SPIDR: variants seen among roughly 807,000 people sequenced by gnomAD.
SPIDR encodes scaffold protein involved in DNA repair, also known as DNA repair-scaffolding protein.
A neutral mutation model predicts 104.6 loss-of-function variants in SPIDR; 93 were observed. That is an observed-to-expected ratio of 0.89 (90% CI 0.75 to 1.06). The LOEUF (loss-of-function observed/expected upper bound fraction) is 1.06. Among genes scored for constraint, SPIDR ranks in the 50% least tolerant of loss-of-function variants. The pLI is 0.00. For missense variants in SPIDR, 1,154 were observed against 1,111.2 expected (o/e 1.04, Z -0.55); for synonymous variants, 431 against 416.9 (o/e 1.03, Z -0.41).
chr8:47,489,383 C>T (rs1241979403), intron 8 of SPIDR, among the ~76,000 whole-genome samples: 1 of 152,202 alleles, frequency 6.6e-6, no homozygotes, highest in Non-Finnish European at 1.5e-5. Flanking sequence ...ACATTCCATC[C>T]TCGTGGATAG....
intron 11 of SPIDR, among the ~76,000 whole-genome samples, chr8:47,692,676 G>C (rs1315929307): frequency 6.6e-6 from 1 of 151,462 alleles, no homozygotes; most frequent in African/African-American, 2.4e-5. Flanking sequence ...TCGAACTCCT[G>C]ACCTCCGGTG....
chr8:47,655,108 T>C (rs1278143729), intron 10 of SPIDR, among the ~76,000 whole-genome samples: 1 of 152,240 alleles, frequency 6.6e-6, no homozygotes, highest in Non-Finnish European at 1.5e-5. Context: ...TGCCACATTT[T>C]CTTAATCCAG....
intron 8 of SPIDR, among the ~76,000 whole-genome samples, chr8:47,531,873 GA>G (rs555212756): frequency 6.6e-6 from 1 of 151,668 alleles, no homozygotes; most frequent in African/African-American, 2.4e-5. Flanking sequence ...ATTAAGAGAA[GA>G]AAAAAATAGA....
intron 8 of SPIDR, among the ~76,000 whole-genome samples, chr8:47,464,113 T>TACAC (rs113515816): frequency 0.013 from 1,858 of 143,432 alleles, 18 homozygotes; most frequent in Non-Finnish European, 0.018. Context: ...CTAAAGATTA[T>TACAC]ACACACACAC....
At chr8:47,266,129 C>CT (rs1224689414) in intron 1 of SPIDR, among the ~76,000 whole-genome samples, 3,645 of 129,642 alleles carry the variant, frequency 0.028, 92 homozygotes, top group African/African-American at 0.058. Context: ...GTTTCTTTGT[C>CT]TTTTTTTTTT....
At chr8:47,565,693 A>G (rs1009094308) in intron 8 of SPIDR, among the ~76,000 whole-genome samples, 2 of 151,406 alleles carry the variant, frequency 1.3e-5, no homozygotes, top group Non-Finnish European at 2.9e-5. Context: ...ATTTTACATT[A>G]TGCTTTTTTA....
intron 5 of SPIDR, among the ~76,000 whole-genome samples, chr8:47,335,013 T>G (rs2049430640): frequency 6.6e-6 from 1 of 152,190 alleles, no homozygotes; most frequent in African/African-American, 2.4e-5. Context: ...ATGTGGAGTA[T>G]AATAGCAAAA....
At position 47,360,013 on chromosome 8, in the gene SPIDR, C is replaced by T. The variant is rs555350682; in HGVS notation, c.526-36363C>T. On this transcript the variant is annotated intron_variant, in intron 5 of 19. Coordinates refer to ENST00000297423, the MANE Select transcript of SPIDR (RefSeq NM_001080394.4). ...ATCCCAGTGCTTTGGGAGGCCGAGGCGGGCGGATCACAAGGTCAGGAGATT... is the reference window on the plus strand; with the variant it reads ...ATCCCAGTGCTTTGGGAGGCCGAGGTGGGCGGATCACAAGGTCAGGAGATT... Among the ~76,000 whole-genome samples, 13 of 152,058 alleles carry T rather than the reference C, an allele frequency of 8.5e-5. No homozygotes were observed. The East Asian group carries it at 1.2e-3, about 14-fold the overall frequency.
At position 47,531,368 on chromosome 8, in the gene SPIDR, A is replaced by G. The variant is rs544049496; in HGVS notation, c.1098-64443A>G. On this transcript the variant is annotated intron_variant, in intron 8 of 19. Transcript: ENST00000297423. Reference sequence around the variant, plus strand: ...GGAGCTGTCATTTCCCATGACAACAATGCCTTCTGGAAAATATCCTGAAGG... The same window carrying G: ...GGAGCTGTCATTTCCCATGACAACAGTGCCTTCTGGAAAATATCCTGAAGG... 3.9e-5 allele frequency among the ~76,000 whole-genome samples: 6 copies of G among 152,298 alleles called. No individual in the cohort carries two copies. The South Asian group carries it at 1.0e-3, about 26-fold the overall frequency.
chr8:47,591,671 A>T (rs2154419533), intron 8 of SPIDR, among the ~76,000 whole-genome samples: 1 of 152,194 alleles, frequency 6.6e-6, no homozygotes, highest in African/African-American at 2.4e-5. Context: ...ATAAAGTTAG[A>T]CTTGGCTAGA....
chr8:47,426,353 T>G (rs555665392), intron 7 of SPIDR, among the ~76,000 whole-genome samples: 1 of 152,224 alleles, frequency 6.6e-6, no homozygotes, highest in South Asian at 2.1e-4. Context: ...TGTAAATTGA[T>G]GCCTTATGCC....
chr8:47,320,243 C>G (rs998315729), intron 5 of SPIDR, among the ~76,000 whole-genome samples: 11 of 152,034 alleles, frequency 7.2e-5, no homozygotes, highest in Admixed American at 7.2e-4. Flanking sequence ...CAAATAGATG[C>G]AATAAAAAAT....
intron 5 of SPIDR, among the ~76,000 whole-genome samples, chr8:47,320,447 C>T (rs1423339885): frequency 2.6e-5 from 4 of 152,052 alleles, no homozygotes; most frequent in Admixed American, 6.6e-5. Flanking sequence ...GAAATTGAGG[C>T]GATAATAATA....
chr8:47,595,350 T>G (rs553759323), intron 8 of SPIDR, among the ~76,000 whole-genome samples: 1 of 152,330 alleles, frequency 6.6e-6, no homozygotes, highest in African/African-American at 2.4e-5. Context: ...TACTTAAATG[T>G]GAGGTATTCA....
intron 3 of SPIDR, among the ~76,000 whole-genome samples, chr8:47,284,927 A>G (rs1318116687): frequency 3.3e-5 from 5 of 152,260 alleles, no homozygotes; most frequent in Non-Finnish European, 5.9e-5. Context: ...TTCTCCTGCC[A>G]TAGGCAGTCA....
chr8:47,462,869 C>G (rs1194619433), intron 8 of SPIDR, among the ~76,000 whole-genome samples: 1 of 152,026 alleles, frequency 6.6e-6, no homozygotes, highest in African/African-American at 2.4e-5. Context: ...AGAATCAAAA[C>G]TGAAGAGACT....
intron 4 of SPIDR, among the ~76,000 whole-genome samples, chr8:47,293,287 G>A (rs2040266674): frequency 6.6e-6 from 1 of 151,990 alleles, no homozygotes; most frequent in Non-Finnish European, 1.5e-5. Flanking sequence ...TGTAAGAAAG[G>A]AGGAAAAAAA....
At chr8:47,628,938 G>A (rs1368674830) in intron 10 of SPIDR, among the ~76,000 whole-genome samples, 1 of 152,192 alleles carries the variant, frequency 6.6e-6, no homozygotes, top group Non-Finnish European at 1.5e-5. Flanking sequence ...CATTGAAAAT[G>A]TATCCTCCAT....
intron 16 of SPIDR, among the ~76,000 whole-genome samples, chr8:47,713,969 A>G (rs2082222552): frequency 6.6e-6 from 1 of 152,160 alleles, no homozygotes; most frequent in Admixed American, 6.5e-5. Flanking sequence ...AGATGAGACT[A>G]CTTAGGTCAG....
Sources: allele counts gnomAD v4.1 joint callset (sites outside exome capture counted in the v4.1 genomes callset), GRCh38; gene constraint gnomAD v4.1.1; transcripts MANE v1.5; gene names NCBI Gene and HGNC (gene_info 2026-07-23, HGNC 2026-07-21).